PALM2AKAP2: variants seen among roughly 807,000 people sequenced by gnomAD.
The protein encoded by PALM2AKAP2 is PALM2-AKAP2 fusion protein.
A neutral mutation model predicts 71.5 loss-of-function variants in PALM2AKAP2; 37 were observed. The observed-to-expected ratio is 0.52, with a 90% CI of 0.40 to 0.68. The LOEUF (loss-of-function observed/expected upper bound fraction) is 0.68. Among genes scored for constraint, PALM2AKAP2 ranks in the 30% least tolerant of loss-of-function variants. The pLI, the probability that PALM2AKAP2 is intolerant of heterozygous loss-of-function variation, is 0.00. For missense variants in PALM2AKAP2, 1,224 were observed against 1,191.8 expected (o/e 1.03, Z -0.40); for synonymous variants, 468 against 478.8 (o/e 0.98, Z 0.29).
At chr9:109,978,298 TAGC>T (rs1019311009) in intron 6 of PALM2AKAP2, among the ~76,000 whole-genome samples, 1 of 152,124 alleles carries the variant, frequency 6.6e-6, no homozygotes, top group Non-Finnish European at 1.5e-5. Flanking sequence ...GCAGGAGGCA[TAGC>T]AAATATTTCA....
intron 7 of PALM2AKAP2, among the ~76,000 whole-genome samples, chr9:110,023,843 T>G (rs1833123584): frequency 6.6e-6 from 1 of 151,828 alleles, no homozygotes; most frequent in Non-Finnish European, 1.5e-5. Context: ...TACAAAAAAA[T>G]TAGCTGAGTG....
intron 1 of PALM2AKAP2, among the ~76,000 whole-genome samples, chr9:109,740,782 T>A (rs1404715315): frequency 1.3e-5 from 2 of 151,342 alleles, no homozygotes; most frequent in Non-Finnish European, 2.9e-5. Flanking sequence ...GCCTCCTGAG[T>A]AGCTGGGACT....
chr9:109,758,906 T>C (rs1197254908), intron 1 of PALM2AKAP2, among the ~76,000 whole-genome samples: 2 of 152,146 alleles, frequency 1.3e-5, no homozygotes, highest in East Asian at 1.9e-4. Context: ...TAATGTGAGA[T>C]AGTGCAGCTT....
intron 1 of PALM2AKAP2, among the ~76,000 whole-genome samples, chr9:110,117,950 TAC>T (rs1265109515): frequency 1.4e-5 from 1 of 70,088 alleles, no homozygotes; most frequent in African/African-American, 6.6e-5. Flanking sequence ...TAGTGTAAGA[TAC>T]ATATATATAT....
chr9:110,035,680 A>G (rs1436709758), intron 7 of PALM2AKAP2, among the ~76,000 whole-genome samples: 7 of 113,600 alleles, frequency 6.2e-5, no homozygotes, highest in Admixed American at 9.7e-5. Context: ...TGTGTTATAT[A>G]TAACATATAT....
chr9:109,657,940 G>GTT (rs1332405072), intron 1 of PALM2AKAP2, among the ~76,000 whole-genome samples: 54 of 85,310 alleles, frequency 6.3e-4, no homozygotes, highest in African/African-American at 2.3e-3. Flanking sequence ...GTGTGTGTTT[G>GTT]TGTGTGTGTG....
chr9:109,894,885 G>A (rs1830165769), intron 3 of PALM2AKAP2, among the ~76,000 whole-genome samples: 1 of 152,024 alleles, frequency 6.6e-6, no homozygotes, highest in East Asian at 1.9e-4. Flanking sequence ...CAGAGTGCTG[G>A]GATTACAAGC....
intron 1 of PALM2AKAP2, among the ~76,000 whole-genome samples, chr9:109,662,671 T>C (rs1294972920): frequency 6.6e-6 from 1 of 152,192 alleles, no homozygotes; most frequent in Non-Finnish European, 1.5e-5. Context: ...ATCAGGATGA[T>C]GTTGGCCTCA....
chr9:110,046,464 C>CTT (rs10601764), upstream of PALM2AKAP2, among the ~76,000 whole-genome samples: 13 of 104,676 alleles, frequency 1.2e-4, no homozygotes, highest in East Asian at 2.5e-4. Flanking sequence ...GATTGCTTTA[C>CTT]TTTTTTTTTT....
At chr9:109,699,323 C>T (rs1367478606) in intron 1 of PALM2AKAP2, among the ~76,000 whole-genome samples, 1 of 152,204 alleles carries the variant, frequency 6.6e-6, no homozygotes, top group Non-Finnish European at 1.5e-5. Flanking sequence ...GGTGGACAAT[C>T]AGGCAGTATA....
chr9:110,026,115 CTA>C (rs1254591626), intron 7 of PALM2AKAP2, among the ~76,000 whole-genome samples: 1 of 152,132 alleles, frequency 6.6e-6, no homozygotes, highest in East Asian at 1.9e-4. Context: ...CAGGGTCTCG[CTA>C]TGTCACCCAG....
intron 3 of PALM2AKAP2, among the ~76,000 whole-genome samples, chr9:109,885,966 C>T (rs1244265744): frequency 2.0e-5 from 3 of 152,242 alleles, no homozygotes; most frequent in East Asian, 1.9e-4. Context: ...GAGGAAAACC[C>T]GGCTGCCACA....
Position 110,096,963 on chromosome 9 carries a change from A to ATTAT in PALM2AKAP2, c.157-39162_157-39161insATTT, listed in dbSNP as rs1564302733. On this transcript the variant is annotated intron_variant, in intron 1 of 3. Transcript: ENST00000374525. ...TTATTTATTTATTTATTTATTTATT[A>ATTAT]TTTTTTTTATTGATCATTCTTGGGT... Among the ~76,000 whole-genome samples, 44 of 132,554 alleles carry ATTAT rather than the reference A, an allele frequency of 3.3e-4. No individual in the cohort carries two copies. In the South Asian group the frequency reaches 0.01, roughly 30 times the overall value. The allele number at this position is 132,554 out of a possible 152,430, so 87.0% of individuals were successfully genotyped here.
intron 1 of PALM2AKAP2, among the ~76,000 whole-genome samples, chr9:109,821,514 G>T (rs1441861721): frequency 6.6e-6 from 1 of 152,144 alleles, no homozygotes; most frequent in African/African-American, 2.4e-5. Flanking sequence ...ATCCATTCAT[G>T]CATTCATTGA....
At chr9:109,979,538 A>G (rs957847391) in intron 6 of PALM2AKAP2, among the ~76,000 whole-genome samples, 3 of 152,212 alleles carry the variant, frequency 2.0e-5, no homozygotes, top group South Asian at 2.1e-4. Context: ...TGTACTTTCC[A>G]TATTGAGGAT....
chr9:110,073,400 G>C (rs1834250398), intron 1 of PALM2AKAP2, among the ~76,000 whole-genome samples: 1 of 152,210 alleles, frequency 6.6e-6, no homozygotes, highest in Non-Finnish European at 1.5e-5. Flanking sequence ...TGCCATGGCT[G>C]AAACAGCTTT....
chr9:109,838,182 A>G (rs1173762017), intron 1 of PALM2AKAP2, among the ~76,000 whole-genome samples: 1 of 152,270 alleles, frequency 6.6e-6, no homozygotes, highest in African/African-American at 2.4e-5. Context: ...ACTGTCTCTC[A>G]GACCACAGTG....
At chr9:110,049,922 T>C (rs1833678259) in intron 1 of PALM2AKAP2, among the ~76,000 whole-genome samples, 1 of 152,138 alleles carries the variant, frequency 6.6e-6, no homozygotes, top group African/African-American at 2.4e-5. Flanking sequence ...GAGGGATCCC[T>C]CCTGACCCAC....
chr9:110,156,909 C>G (rs1836472355), intron 3 of PALM2AKAP2, among the ~76,000 whole-genome samples: 1 of 152,148 alleles, frequency 6.6e-6, no homozygotes, highest in Non-Finnish European at 1.5e-5. Flanking sequence ...AGATGCTGTT[C>G]CTTCAAAGCC....
Sources: gnomAD v4.1 joint callset for allele counts (sites outside exome capture counted in the v4.1 genomes callset) on GRCh38, gnomAD v4.1.1 for gene constraint, MANE v1.5 for transcripts, NCBI Gene and HGNC (gene_info 2026-07-23, HGNC 2026-07-21) for gene names.